The following WDR19 variants were observed in gnomAD, a reference collection of about 807,000 sequenced individuals.
WDR19 encodes WD repeat-containing protein 19.
Under a neutral mutation model 180.0 loss-of-function variants are expected in WDR19, and 121 were observed. The ratio of observed to expected loss-of-function variants is 0.67; its 90% CI spans 0.58 to 0.78. The LOEUF is 0.78. WDR19 is among the 30% of genes least tolerant of loss of function. The pLI is 0.00. For synonymous variants in WDR19, 497 were observed against 540.7 expected (o/e 0.92, Z 1.12); for missense variants, 1,450 against 1,640.7 (o/e 0.88, Z 2.01).
Position 39,234,872 on chromosome 4 carries a change from T to G in WDR19, c.2360T>G (p.Phe787Cys). The change falls in exon 20 of 37, where the codon TTC becomes TGC. Residue 787 changes from phenylalanine (F) to cysteine (C), a missense_variant. By Grantham distance (205) the Phe-to-Cys change is radical. Transcript: ENST00000399820. ...AAAGAATATGCTATTCAGCTTGAAT[T>G]CGCGTAAGTCTTTGTTTTTATACAT... is the stretch of plus-strand genomic sequence containing the variant. Reference protein sequence around the residue: ...ISKEYAIQLEFAGDYVNALAH... With the variant: ...ISKEYAIQLECAGDYVNALAH... 1 of 1,553,498 alleles carries G rather than the reference T, an allele frequency of 6.4e-7. No homozygotes were observed. The highest frequency in any genetic ancestry group is 8.7e-7 in the Non-Finnish European group (1 of 1,146,166).
chr4:39,272,949 TAAG>T (rs1271908685), intron 31 of WDR19, 28 bp from the exon 32 acceptor site: 5 of 1,537,062 alleles, frequency 3.3e-6, no homozygotes, highest in South Asian at 2.4e-5. Flanking sequence ...TCAATGACTA[TAAG>T]AAGAGTAAAA....
At chr4:39,229,988 A>G (rs1730673204) in intron 17 of WDR19, among the ~76,000 whole-genome samples, 1 of 152,150 alleles carries the variant, frequency 6.6e-6, no homozygotes, top group African/African-American at 2.4e-5. Context: ...ATAATGTGTA[A>G]TGTAACTAAC....
rs538875350 is a variant in WDR19 at position 39,188,404 on chromosome 4, T to C, written c.165-1252T>C. Among the ~76,000 whole-genome samples, 21 of 152,116 alleles carry C rather than the reference T, an allele frequency of 1.4e-4. No homozygotes were observed. The South Asian group carries it at 4.1e-3, about 30-fold the overall frequency. Reference sequence around the variant, plus strand: ...ACCTTAATCAAATTACTCTCGTTATTTTCCATCAAGATATAAAATGAAAAT... The same window carrying C: ...ACCTTAATCAAATTACTCTCGTTATCTTCCATCAAGATATAAAATGAAAAT... On this transcript the variant is annotated intron_variant, in intron 3 of 36. Coordinates refer to ENST00000399820, the MANE Select transcript of WDR19 (RefSeq NM_025132.4).
intron 14 of WDR19, among the ~76,000 whole-genome samples, chr4:39,219,597 C>T (rs1560505447): frequency 6.6e-6 from 1 of 152,170 alleles, no homozygotes; most frequent in African/African-American, 2.4e-5. Flanking sequence ...CCCCTCCAAG[C>T]CTTGTTTTCC....
In WDR19 at chr4:39,253,955, A is replaced by T; in HGVS notation, c.2926A>T (p.Met976Leu). 1 of 1,611,682 alleles carries T rather than the reference A, an allele frequency of 6.2e-7. No individual in the cohort carries two copies. The change falls in exon 26 of 37, where the codon ATG becomes TTG. Residue 976 changes from methionine to leucine, a missense_variant. Physicochemically the swap from Met to Leu is conservative, Grantham distance 15. Transcript: ENST00000399820. ...DYGSAIQFLV[M>L]SKCNNEAFTL... is the part of the protein sequence containing the mutation. ...TGGGTCTGCCATCCAGTTTCTTGTC[A>T]TGTCCAAATGCAACAATGAAGCTTT...
At chr4:39,272,743 A>G (rs938065941) in intron 31 of WDR19, among the ~76,000 whole-genome samples, 12 of 152,174 alleles carry the variant, frequency 7.9e-5, no homozygotes, top group African/African-American at 4.8e-5. Context: ...AACCCATACC[A>G]AGTGGTCTAG....
intron 36 of WDR19, among the ~76,000 whole-genome samples, chr4:39,281,230 T>TAGAG (rs796659495): frequency 1.9e-3 from 187 of 97,154 alleles, no homozygotes; most frequent in African/African-American, 4.8e-3. Context: ...TATATATATA[T>TAGAG]ATATATAGAG....
At chr4:39,238,340 G>T (rs1446420261) in intron 20 of WDR19, among the ~76,000 whole-genome samples, 3 of 152,110 alleles carry the variant, frequency 2.0e-5, no homozygotes, top group Non-Finnish European at 4.4e-5. Context: ...ACTAAAGTCT[G>T]GGATTAAACT....
chr4:39,237,066 A>T (rs929055040), intron 20 of WDR19, among the ~76,000 whole-genome samples: 4 of 152,218 alleles, frequency 2.6e-5, no homozygotes, highest in African/African-American at 9.6e-5. Context: ...TTCTTTTGAC[A>T]TTTATTATGA....
In WDR19 at chr4:39,199,484, A is replaced by G; in HGVS notation, c.413A>G (p.His138Arg). ...AAAATAATCTCTTTTTCAGGAAAACATACTAAGAGAATCACTTGTGGATGT... is the reference window on the plus strand; with the variant it reads ...AAAATAATCTCTTTTTCAGGAAAACGTACTAAGAGAATCACTTGTGGATGT... ...TSRKIPVLGK[H>R]TKRITCGCWN... The change falls in exon 6 of 37, where the codon CAT becomes CGT. Residue 138 changes from histidine (H) to arginine (R), a missense_variant. Transcript: ENST00000399820. The G allele has an allele frequency of 6.2e-7, 1 of 1,611,746 alleles. No individual in the cohort carries two copies. Among genetic ancestry groups the G allele is most frequent in the Non-Finnish European group, 8.5e-7 (1 of 1,179,144 alleles).
chr4:39,278,248 C>A, intron 35 of WDR19, 41 bp downstream of exon 35: 1 of 1,505,170 alleles, frequency 6.6e-7, no homozygotes. Flanking sequence ...TGATTTCTCC[C>A]GACACAGGCC....
At chr4:39,280,119 G>GTTTTTTTTTTTTTTTTTTTTTTTTTTTTT (rs551041321) in intron 36 of WDR19, among the ~76,000 whole-genome samples, 1 of 53,974 alleles carries the variant, frequency 1.9e-5, no homozygotes, top group African/African-American at 6.3e-5. Context: ...CCCTTTTCTT[G>GTTTTTTTTTTTTTTTTTTTTTTTTTTTTT]TTTTTTTTTT....
intron 2 of WDR19, 52 bp from the exon 3 acceptor site, chr4:39,186,478 CAAAAAAAAA>C (rs71192831): frequency 2.1e-4 from 76 of 363,458 alleles, no homozygotes; most frequent in Middle Eastern, 1.0e-3. Context: ...GACTCTGTCT[CAAAAAAAAA>C]AAAAAAAAAA....
chr4:39,203,495 G>C, intron 6 of WDR19, 147 bp from the exon 7 acceptor site: 1 of 643,552 alleles, frequency 1.6e-6, no homozygotes. Context: ...GTTTCATCTA[G>C]AATTTCTAGA....
intron 12 of WDR19, 149 bp downstream of exon 12, chr4:39,216,359 T>C (rs1729070623): frequency 4.3e-6 from 3 of 705,094 alleles, no homozygotes; most frequent in African/African-American, 1.9e-5. Context: ...GTAAGTCTTC[T>C]AAAAATTTGC....
At chr4:39,257,587 GCCAAT>G in intron 28 of WDR19, 33 bp downstream of exon 28, 1 of 1,539,600 alleles carries the variant, frequency 6.5e-7, no homozygotes, top group Non-Finnish European at 8.8e-7. Flanking sequence ...TTTCAATAAT[GCCAAT>G]TTTTTAAAAA....
At chr4:39,235,265 T>A (rs1731264826) in intron 20 of WDR19, among the ~76,000 whole-genome samples, 1 of 152,142 alleles carries the variant, frequency 6.6e-6, no homozygotes, top group African/African-American at 2.4e-5. Flanking sequence ...TAGCTGGGAC[T>A]ATAGGCATGC....
chr4:39,254,055 C>A (rs1733520974), intron 26 of WDR19, 25 bp downstream of exon 26: 1 of 1,599,608 alleles, frequency 6.3e-7, no homozygotes. Flanking sequence ...TTCCCTGGTT[C>A]TCTTCAAGAT....
Position 39,278,615 on chromosome 4 carries a change from T to C in WDR19, c.3994T>C (p.Cys1332Arg), listed in dbSNP as rs752597919. Residue 1332 changes from cysteine to arginine, a missense_variant, in exon 36 of 37, where the codon TGT becomes CGT. Coordinates refer to ENST00000399820, the MANE Select transcript of WDR19 (RefSeq NM_025132.4). ...TGCTCAGCTGAAAAAGATTTCAGAC[T>C]GTACCCAGTACCTGCGAACGGAGGA... Reference protein sequence around the residue: ...NAAQLKKISDCTQYLRTEEEL With the variant: ...NAAQLKKISDRTQYLRTEEEL 6.2e-6 allele frequency: 10 copies of C among 1,613,506 alleles called. No individual in the cohort carries two copies. In the South Asian group the frequency reaches 7.7e-5, roughly 12 times the overall value.
Sources: gnomAD v4.1 joint callset for allele counts (sites outside exome capture counted in the v4.1 genomes callset) on GRCh38, gnomAD v4.1.1 for gene constraint, MANE v1.5 for transcripts, NCBI Gene and HGNC (gene_info 2026-07-23, HGNC 2026-07-21) for gene names.